Variants in TOGARAM2 observed in about 807,000 individuals in gnomAD.
TOGARAM2 encodes TOG array regulator of axonemal microtubules 2.
A neutral mutation model predicts 93.3 loss-of-function variants in TOGARAM2; 85 were observed. The ratio of observed to expected loss-of-function variants is 0.91; its 90% CI spans 0.76 to 1.09. The LOEUF (loss-of-function observed/expected upper bound fraction) is 1.09, where lower values mean the gene tolerates loss of function less well. Among genes scored for constraint, TOGARAM2 ranks in the 50% least tolerant of loss-of-function variants. TOGARAM2 has a pLI of 0.00. For missense variants in TOGARAM2, 1,277 were observed against 1,334.5 expected, an observed-to-expected ratio of 0.96 and a Z score of 0.67; for synonymous variants, 593 against 552.8, an observed-to-expected ratio of 1.07 and a Z score of -1.02.
At chr2:29,035,769 T>C in intron 17 of TOGARAM2, 113 bp downstream of exon 17, 1 of 1,099,796 alleles carries the variant, frequency 9.1e-7, no homozygotes, top group East Asian at 3.1e-5. Flanking sequence ...GCTATGCAGT[T>C]GGCCTTTGTA....
intron 7 of TOGARAM2, among the ~76,000 whole-genome samples, chr2:29,012,276 C>T (rs1021165297): frequency 6.6e-5 from 10 of 152,180 alleles, no homozygotes; most frequent in African/African-American, 2.4e-4. Flanking sequence ...TCCCCAGGAC[C>T]AGCTTCCTGG....
chr2:29,004,638 A>G (rs62130295), intron 6 of TOGARAM2, among the ~76,000 whole-genome samples: 65,706 of 113,368 alleles, frequency 0.58, 15,844 homozygotes, highest in Non-Finnish European at 0.66. Flanking sequence ...GTGTGAGTGT[A>G]TGTGTATGAG....
chr2:29,024,301 C>T lies in TOGARAM2; in HGVS notation c.1780C>T (p.Gln594Ter), dbSNP rs1338138810. The T allele has an allele frequency of 1.9e-6, 3 of 1,613,450 alleles. No homozygotes were observed. The highest frequency in any genetic ancestry group is 2.5e-6 in the Non-Finnish European group (3 of 1,179,678). ...TNEFIQRAAG[Q>*]SLRAMVENVT... ...CGAGTTCATCCAGAGAGCAGCCGGCCAGTCTCTGAGGGCTATGGTGGAGAA... is the reference window on the plus strand; with the variant it reads ...CGAGTTCATCCAGAGAGCAGCCGGCTAGTCTCTGAGGGCTATGGTGGAGAA... The change falls in exon 13 of 20, where the codon CAG becomes TAG. Residue 594 changes from glutamine to a stop codon, truncating the protein, a stop_gained. Coordinates refer to ENST00000379558, the MANE Select transcript of TOGARAM2 (RefSeq NM_199280.4). LOFTEE classifies it high-confidence loss of function.
rs561088546 is a variant in TOGARAM2 at position 29,045,646 on chromosome 2, C to A, written c.2722+236C>A. The A allele has an allele frequency of 1.9e-4, 100 of 525,192 alleles. No homozygotes were observed. The South Asian group carries it at 1.9e-3, about 10-fold the overall frequency. 32.5% of individuals were successfully genotyped at this position (525,192 alleles called of 1,614,324 possible). On this transcript the variant is annotated intron_variant, in intron 19 of 19. Coordinates refer to ENST00000379558, the MANE Select transcript of TOGARAM2 (RefSeq NM_199280.4). ...CAAAAGCAAAAGTGTTTTTAAAAAA[C>A]TGTTACAGGTTGAATCTCCCTAATC...
intron 4 of TOGARAM2, among the ~76,000 whole-genome samples, chr2:29,001,296 A>G (rs992726213): frequency 2.2e-4 from 34 of 152,114 alleles, no homozygotes; most frequent in African/African-American, 8.2e-4. Context: ...GAGGGGAGCG[A>G]GTGTGCAGGA....
At chr2:29,026,201 T>C (rs528747484) in intron 13 of TOGARAM2, among the ~76,000 whole-genome samples, 3 of 152,366 alleles carry the variant, frequency 2.0e-5, no homozygotes, top group African/African-American at 7.2e-5. Context: ...TGTTTCTGCC[T>C]CACCCCAGTA....
At chr2:28,997,377 G>T (rs1673044436) in intron 2 of TOGARAM2, among the ~76,000 whole-genome samples, 1 of 152,182 alleles carries the variant, frequency 6.6e-6, no homozygotes, top group Non-Finnish European at 1.5e-5. Context: ...TCAGCTCAGT[G>T]GTCCCTCCCT....
chr2:28,975,924 C>G (rs190107478), intron 1 of TOGARAM2, among the ~76,000 whole-genome samples: 34 of 152,250 alleles, frequency 2.2e-4, no homozygotes, highest in African/African-American at 8.2e-4. Flanking sequence ...CCACTGGGCC[C>G]TGCTGGTGGA....
At chr2:29,004,526 TC>T (rs1356322833) in intron 6 of TOGARAM2, among the ~76,000 whole-genome samples, 1 of 152,232 alleles carries the variant, frequency 6.6e-6, no homozygotes, top group Non-Finnish European at 1.5e-5. Context: ...GCCAGCAACA[TC>T]CCCGTGGTCA....
At chr2:29,004,686 A>G (rs572770216) in intron 6 of TOGARAM2, among the ~76,000 whole-genome samples, 1 of 151,864 alleles carries the variant, frequency 6.6e-6, no homozygotes, top group Admixed American at 6.6e-5. Context: ...ATATGCATGT[A>G]TGTGAGTACA....
intron 1 of TOGARAM2, among the ~76,000 whole-genome samples, chr2:28,964,291 A>G (rs756285471): frequency 6.6e-6 from 1 of 152,162 alleles, no homozygotes; most frequent in Non-Finnish European, 1.5e-5. Flanking sequence ...TGACATTATG[A>G]AATGTCCATC....
chr2:29,005,850 G>A (rs776264378), intron 6 of TOGARAM2, among the ~76,000 whole-genome samples: 121 of 150,062 alleles, frequency 8.1e-4, no homozygotes, highest in Non-Finnish European at 1.5e-3. Flanking sequence ...GTCAGTGCAT[G>A]TGTGTGCATA....
intron 1 of TOGARAM2, among the ~76,000 whole-genome samples, chr2:28,975,658 C>T (rs926319349): frequency 1.3e-5 from 2 of 152,028 alleles, no homozygotes; most frequent in East Asian, 3.9e-4. Flanking sequence ...GTTATTTTAC[C>T]TGTTCTTGGT....
intron 1 of TOGARAM2, among the ~76,000 whole-genome samples, chr2:28,984,056 T>A (rs2148241441): frequency 6.6e-6 from 1 of 151,960 alleles, no homozygotes; most frequent in Non-Finnish European, 1.5e-5. Flanking sequence ...ATCCCTCTCC[T>A]CCATTCTTCT....
At chr2:28,999,992 C>T (rs1052686709) in intron 4 of TOGARAM2, among the ~76,000 whole-genome samples, 10 of 152,112 alleles carry the variant, frequency 6.6e-5, no homozygotes, top group African/African-American at 2.4e-4. Context: ...CCCCACCCAG[C>T]CTCCCTTCTT....
intron 6 of TOGARAM2, among the ~76,000 whole-genome samples, chr2:29,005,955 ATGTGTATTTGTGTGTGAGACCGTATG>A (rs1663755155): frequency 8.2e-6 from 1 of 122,250 alleles, no homozygotes; most frequent in Non-Finnish European, 1.7e-5. Flanking sequence ...ATGTGTGCAT[ATGTGTATTTGTGTGTGAGACCGTATG>A]AGTGCATGTG....
intron 1 of TOGARAM2, among the ~76,000 whole-genome samples, chr2:28,983,392 C>A (rs542493128): frequency 1.3e-5 from 2 of 151,780 alleles, no homozygotes; most frequent in Admixed American, 1.3e-4. Flanking sequence ...TTTCTTTGAA[C>A]TTTATAGAAG....
intron 1 of TOGARAM2, among the ~76,000 whole-genome samples, chr2:28,968,050 G>A (rs779551360): frequency 1.7e-4 from 26 of 151,840 alleles, no homozygotes; most frequent in Admixed American, 3.3e-4. Context: ...AACTCCTGAC[G>A]TCAGGTGATC....
At chr2:28,986,547 G>A (rs72786148) in intron 1 of TOGARAM2, among the ~76,000 whole-genome samples, 12,781 of 152,196 alleles carry the variant, frequency 0.084, 689 homozygotes, top group African/African-American at 0.15. Context: ...TGTTAAGAAA[G>A]GTTCTTCCCA....
Sources: gnomAD v4.1 joint callset for allele counts (sites outside exome capture counted in the v4.1 genomes callset) on GRCh38, gnomAD v4.1.1 for gene constraint, MANE v1.5 for transcripts, NCBI Gene and HGNC (gene_info 2026-07-23, HGNC 2026-07-21) for gene names.